The following HDAC9 variants were observed in gnomAD, a reference collection of about 807,000 sequenced individuals.
The protein encoded by HDAC9 is histone deacetylase 9, also known as MEF-2 interacting transcription repressor (MITR) protein.
In HDAC9, 41 loss-of-function variants were observed where a neutral mutation model predicts 139.4. The ratio of observed to expected loss-of-function variants is 0.29; its 90% CI spans 0.23 to 0.38. The LOEUF (loss-of-function observed/expected upper bound fraction) is 0.38. Among genes scored for constraint, HDAC9 ranks in the 10% least tolerant of loss-of-function variants. HDAC9 has a pLI of 1.00. For missense variants in HDAC9, 1,147 were observed against 1,297.0 expected (o/e 0.88, Z 1.78); for synonymous variants, 517 against 476.2 (o/e 1.09, Z -1.12).
At chr7:18,569,987 T>A (rs1823720215) in intron 2 of HDAC9, among the ~76,000 whole-genome samples, 1 of 152,208 alleles carries the variant, frequency 6.6e-6, no homozygotes, top group Non-Finnish European at 1.5e-5. Context: ...ATCTCAAAAT[T>A]TATGAATAAT....
At position 18,162,228 on chromosome 7, in the gene HDAC9, G is replaced by T; in HGVS notation, c.-96-1G>T. On this transcript the variant is annotated splice_acceptor_variant, in intron 1 of 12. Transcript: ENST00000417496. LOFTEE classifies it low-confidence loss of function (5UTR_SPLICE). ...AACACTGCATTTTTCTTATGTTCTA[G>T]GTTTCTCCTCTGCCAACCCCTCCTG... 1.9e-6 allele frequency: 2 copies of T among 1,045,310 alleles called. No individual in the cohort carries two copies. Among genetic ancestry groups the T allele is most frequent in the South Asian group, 1.4e-5 (1 of 73,184 alleles). The allele number at this position is 1,045,310 out of a possible 1,614,324, so 64.8% of individuals were successfully genotyped here. A position where few individuals can be genotyped will look rare whatever the true frequency, so the allele number is the denominator to read the frequency against.
At chr7:18,901,679 A>C (rs879569617) in intron 22 of HDAC9, among the ~76,000 whole-genome samples, 2 of 152,230 alleles carry the variant, frequency 1.3e-5, no homozygotes, top group African/African-American at 4.8e-5. Flanking sequence ...AACCAACTAT[A>C]TCTCAACCCA....
chr7:18,916,940 G>A (rs1006154445), intron 22 of HDAC9, among the ~76,000 whole-genome samples: 11 of 152,006 alleles, frequency 7.2e-5, no homozygotes, highest in African/African-American at 2.7e-4. Flanking sequence ...ATCCCAGAAT[G>A]TTTATTTCCG....
At chr7:18,505,369 A>G (rs1799477370) in intron 2 of HDAC9, among the ~76,000 whole-genome samples, 1 of 152,196 alleles carries the variant, frequency 6.6e-6, no homozygotes, top group Admixed American at 6.5e-5. Flanking sequence ...CTTGGCATTT[A>G]CCTTGAAATG....
At chr7:18,310,362 A>G (rs1799227781) in intron 1 of HDAC9, among the ~76,000 whole-genome samples, 1 of 152,202 alleles carries the variant, frequency 6.6e-6, no homozygotes. Context: ...TCTTTAGAGA[A>G]TAACAGCATC....
intron 11 of HDAC9, among the ~76,000 whole-genome samples, chr7:18,658,272 C>T (rs1261731530): frequency 1.3e-5 from 2 of 152,016 alleles, no homozygotes; most frequent in East Asian, 1.9e-4. Flanking sequence ...ATATAGTAAA[C>T]GCTCAATAAA....
At chr7:18,967,075 GT>G (rs1259884331) in intron 24 of HDAC9, among the ~76,000 whole-genome samples, 2 of 152,180 alleles carry the variant, frequency 1.3e-5, no homozygotes, top group Non-Finnish European at 2.9e-5. Flanking sequence ...GGGGGACAGA[GT>G]AAAATCACAG....
intron 2 of HDAC9, among the ~76,000 whole-genome samples, chr7:18,506,650 T>C (rs1239422943): frequency 2.0e-5 from 3 of 152,112 alleles, no homozygotes; most frequent in Non-Finnish European, 2.9e-5. Context: ...ACAATAAATA[T>C]ACAGGTTAAC....
At position 18,643,701 on chromosome 7, in the gene HDAC9, A is replaced by G. The variant is rs551736446; in HGVS notation, c.913-970A>G. 7.2e-5 allele frequency among the ~76,000 whole-genome samples: 11 copies of G among 152,212 alleles called. No homozygotes were observed. The South Asian group carries it at 2.3e-3, about 32-fold the overall frequency. On this transcript the variant is annotated intron_variant, in intron 8 of 25. Coordinates refer to ENST00000686413, the MANE Select transcript of HDAC9 (RefSeq NM_178425.4). ...CTTGACAAGTTATTATATTTACTTT[A>G]GTCAAAGCCCGTGTGTGCAATATCC...
At chr7:18,609,993 C>T (rs1265750223) in intron 6 of HDAC9, among the ~76,000 whole-genome samples, 1 of 152,046 alleles carries the variant, frequency 6.6e-6, no homozygotes, top group Non-Finnish European at 1.5e-5. Flanking sequence ...GACAGTGTGG[C>T]GATTCCTCAA....
Position 18,835,977 on chromosome 7 carries a change from T to G in HDAC9, c.2664T>G (p.Val888=). The G allele has an allele frequency of 6.4e-7, 1 of 1,562,168 alleles. No homozygotes were observed. The highest frequency in any genetic ancestry group is 8.7e-7 in the Non-Finnish European group (1 of 1,150,928). ...TGGLDPPMGD[V]EYLEAFRTIV... is the part of the protein sequence containing the mutation. Reference sequence around the variant, plus strand: ...GCCTTGATCCTCCCATGGGAGATGTTGAGTACCTTGAAGCATTCAGGTTGG... The same window carrying G: ...GCCTTGATCCTCCCATGGGAGATGTGGAGTACCTTGAAGCATTCAGGTTGG... The change falls in exon 21 of 26, where the codon GTT becomes GTG. Residue 888 remains valine, a synonymous_variant. Coordinates refer to ENST00000686413, the MANE Select transcript of HDAC9 (RefSeq NM_178425.4).
At chr7:18,691,206 C>A (rs1028956715) in intron 12 of HDAC9, among the ~76,000 whole-genome samples, 2 of 151,918 alleles carry the variant, frequency 1.3e-5, no homozygotes, top group African/African-American at 4.8e-5. Flanking sequence ...CCACTGAGAG[C>A]AATTTGTGCA....
At chr7:18,165,697 G>A (rs1787961875) in intron 2 of HDAC9, among the ~76,000 whole-genome samples, 1 of 151,920 alleles carries the variant, frequency 6.6e-6, no homozygotes, top group African/African-American at 2.4e-5. Flanking sequence ...AGCTGAGGTG[G>A]GAGGATTGCT....
At chr7:18,763,745 C>T (rs967301602) in intron 15 of HDAC9, among the ~76,000 whole-genome samples, 4 of 152,002 alleles carry the variant, frequency 2.6e-5, no homozygotes, top group Non-Finnish European at 5.9e-5. Flanking sequence ...AATACTCAAG[C>T]ATTTAAACAT....
At chr7:18,904,600 G>A (rs1317991785) in intron 22 of HDAC9, among the ~76,000 whole-genome samples, 3 of 82,288 alleles carry the variant, frequency 3.6e-5, no homozygotes, top group Non-Finnish European at 6.6e-5. Flanking sequence ...TTTTTTTTTA[G>A]ATGGAGTCTC....
intron 2 of HDAC9, among the ~76,000 whole-genome samples, chr7:18,513,476 C>A (rs1182001041): frequency 1.3e-5 from 2 of 152,192 alleles, no homozygotes; most frequent in Non-Finnish European, 2.9e-5. Context: ...GGAGAAGTGA[C>A]TTTTAAGCTG....
At chr7:18,904,090 A>C (rs1382624682) in intron 22 of HDAC9, among the ~76,000 whole-genome samples, 1 of 152,230 alleles carries the variant, frequency 6.6e-6, no homozygotes, top group Non-Finnish European at 1.5e-5. Context: ...AATTGGAACA[A>C]GTACGAGCTT....
intron 1 of HDAC9, among the ~76,000 whole-genome samples, chr7:18,456,376 CA>C (rs1315385287): frequency 6.6e-6 from 1 of 152,072 alleles, no homozygotes; most frequent in Non-Finnish European, 1.5e-5. Flanking sequence ...TACTGGGACA[CA>C]GGCACATGCC....
At chr7:18,403,111 T>C (rs1585648704) in intron 1 of HDAC9, among the ~76,000 whole-genome samples, 1 of 152,210 alleles carries the variant, frequency 6.6e-6, no homozygotes, top group South Asian at 2.1e-4. Flanking sequence ...ATATAAAATA[T>C]CTTTATTTAC....
Sources: allele counts gnomAD v4.1 joint callset (sites outside exome capture counted in the v4.1 genomes callset), GRCh38; gene constraint gnomAD v4.1.1; transcripts MANE v1.5; gene names NCBI Gene and HGNC (gene_info 2026-07-23, HGNC 2026-07-21).